The following PML variants were observed in gnomAD, a reference collection of about 807,000 sequenced individuals.
PML encodes the protein PML nuclear body scaffold.
PML carries 28 observed loss-of-function variants against 65.2 expected under a neutral mutation model. That is an observed-to-expected ratio of 0.43 (90% CI 0.32 to 0.59). PML has a LOEUF of 0.59. Among genes scored for constraint, PML ranks in the 20% least tolerant of loss-of-function variants. PML has a pLI of 0.08. For missense variants in PML, 1,021 were observed against 1,203.4 expected, an observed-to-expected ratio of 0.85 and a Z score of 2.24; for synonymous variants, 500 against 508.8, an observed-to-expected ratio of 0.98 and a Z score of 0.23.
At chr15:74,011,902 C>A (rs1025903607) in intron 2 of PML, among the ~76,000 whole-genome samples, 3 of 152,182 alleles carry the variant, frequency 2.0e-5, no homozygotes, top group African/African-American at 7.2e-5. Context: ...TTTCCTACTC[C>A]TGCTGGACTC....
intron 2 of PML, among the ~76,000 whole-genome samples, chr15:74,013,627 G>C (rs533871969): frequency 2.0e-5 from 3 of 151,902 alleles, no homozygotes; most frequent in African/African-American, 7.3e-5. Flanking sequence ...TGGCATGACT[G>C]AATAGAAGAG....
Position 74,035,959 on chromosome 15 carries a change from A to C in PML, c.1710+1429A>C, listed in dbSNP as rs2071541589. On this transcript the variant is annotated intron_variant, in intron 7 of 8. Transcript: ENST00000268058. This position sits in a 1 kb window ranked among gnomAD's most constrained non-coding sequence, Gnocchi z 4.1. The stretch of plus-strand genomic sequence containing the variant: ...CGTCAAGCAGGCCTCTGAGAGTGCT[A>C]CCCTTCTCTTGTAACCTTGCAGCCA... 6.2e-7 allele frequency: 1 copy of C among 1,613,752 alleles called. No homozygotes were observed. The highest frequency in any genetic ancestry group is 1.3e-5 in the African/African-American group (1 of 74,822).
rs117388211 is a variant in PML at position 74,042,856 on chromosome 15, G to A, written c.1711-133G>A. 1.4e-4 allele frequency: 227 copies of A among 1,569,362 alleles called. 4 individuals are homozygous for A. The East Asian group carries it at 4.7e-3, about 32-fold the overall frequency. On this transcript the variant is annotated intron_variant, in intron 7 of 8. Transcript: ENST00000268058. The surrounding 1 kb of genome is among the most constrained non-coding windows in gnomAD (Gnocchi z 5.3). ...CACACATACCTTCTCTTGTGCACAC[G>A]TCCCCTTTCCCAGTGGTACACCCTC...
At chr15:74,007,667 T>TCTGCCCTGGGGTGG (rs531158344) in intron 2 of PML, among the ~76,000 whole-genome samples, 4 of 152,110 alleles carry the variant, frequency 2.6e-5, no homozygotes, top group African/African-American at 4.8e-5. Flanking sequence ...ACTCGGGGTG[T>TCTGCCCTGGGGTGG]CTGCCCTGGG....
intron 7 of PML, chr15:74,036,115 A>G: frequency 6.2e-7 from 1 of 1,612,704 alleles, no homozygotes; most frequent in Non-Finnish European, 8.5e-7. Context: ...ACCTCTGGGC[A>G]GGGAGACCTG....
Position 74,044,757 on chromosome 15 carries a change from C to G in PML, c.2398C>G (p.Leu800Val). The G allele has an allele frequency of 6.2e-7, 1 of 1,612,746 alleles. No homozygotes were observed. Among genetic ancestry groups the G allele is most frequent in the Non-Finnish European group, 8.5e-7 (1 of 1,180,014 alleles). The change falls in exon 9 of 9, where the codon CTA (leucine) becomes GTA (valine). Residue 800 changes from leucine to valine, a missense_variant. Leu to Val is a conservative substitution (Grantham distance 32). Transcript: ENST00000268058. ...LPRAEARLLA[L>V]HNVSFMELLS... The stretch of plus-strand genomic sequence containing the variant: ...CCGGGCTGAGGCCCGCCTCCTGGCC[C>G]TACACAACGTGAGCTTCATGGAGCT...
chr15:73,995,344 A>C (rs2069430201), intron 1 of PML, among the ~76,000 whole-genome samples: 1 of 152,260 alleles, frequency 6.6e-6, no homozygotes, highest in Non-Finnish European at 1.5e-5. Context: ...GGCATGTCCC[A>C]GGCACGGCAA....
At chr15:74,032,441 G>A (rs1385599216) in intron 4 of PML, 131 bp from the exon 5 acceptor site, 1 of 938,228 alleles carries the variant, frequency 1.1e-6, no homozygotes, top group Non-Finnish European at 1.7e-6. Flanking sequence ...AGTGAGCTCG[G>A]AGCTTTGAGT....
At position 74,035,983 on chromosome 15, in the gene PML, C is replaced by T. The variant is rs1458580552; in HGVS notation, c.1710+1453C>T. The T allele has an allele frequency of 6.2e-7, 1 of 1,614,120 alleles. No homozygotes were observed. Among genetic ancestry groups the T allele is most frequent in the Non-Finnish European group, 8.5e-7 (1 of 1,180,036 alleles). On this transcript the variant is annotated intron_variant, in intron 7 of 8. Transcript: ENST00000268058. The surrounding 1 kb of genome is among the most constrained non-coding windows in gnomAD (Gnocchi z 4.1). The stretch of plus-strand genomic sequence containing the variant: ...TACCCTTCTCTTGTAACCTTGCAGC[C>T]AACACCCCTGCCCGGCCCCTGAGCT...
At chr15:74,036,410 ATTC>A in intron 7 of PML, 2 of 1,319,758 alleles carry the variant, frequency 1.5e-6, no homozygotes, top group African/African-American at 1.5e-5. Context: ...GCGAACCCTT[ATTC>A]CACGACCATC....
intron 1 of PML, among the ~76,000 whole-genome samples, chr15:73,996,835 TC>T (rs1306645309): frequency 6.6e-6 from 1 of 152,222 alleles, no homozygotes; most frequent in Non-Finnish European, 1.5e-5. Context: ...CTACCTTCTG[TC>T]CCTATGAACT....
chr15:74,023,481 TC>T, intron 3 of PML, 73 bp downstream of exon 3: 1 of 1,199,454 alleles, frequency 8.3e-7, no homozygotes, highest in East Asian at 2.5e-5. Context: ...TCAGAAGAGA[TC>T]ATCTCCATTT....
Position 74,043,853 on chromosome 15 carries a change from G to T in PML, c.1862-368G>T, listed in dbSNP as rs951131255. 3.8e-6 allele frequency: 2 copies of T among 522,266 alleles called. No homozygotes were observed. Among genetic ancestry groups the T allele is most frequent in the South Asian group, 1.5e-5 (1 of 64,918 alleles). The allele number at this position is 522,266 out of a possible 1,614,324, so 32.4% of individuals were successfully genotyped here. Reference sequence around the variant, plus strand: ...GTCCTTGAGGGGATTGGAGGAAGGAGCATGGGATGGAGAGCTAAGTTCAAG... The same window carrying T: ...GTCCTTGAGGGGATTGGAGGAAGGATCATGGGATGGAGAGCTAAGTTCAAG... On this transcript the variant is annotated intron_variant, in intron 8 of 8. Transcript: ENST00000268058. The surrounding 1 kb of genome is among the most constrained non-coding windows in gnomAD (Gnocchi z 4.3).
chr15:74,044,625 C>T lies in PML; in HGVS notation c.2266C>T (p.Leu756Phe). Residue 756 changes from leucine (L) to phenylalanine (F), a missense_variant, in exon 9 of 9, where the codon CTC becomes TTC. Transcript: ENST00000268058. ...AVLAMRDLCR[L>F]LEVSPGPQLA... is the part of the protein sequence containing the mutation. ...GCTGGCCATGCGTGACCTGTGCCGC[C>T]TCCTCGAGGTCTCCCCGGGCCCCCA... 1 of 1,606,484 alleles carries T rather than the reference C, an allele frequency of 6.2e-7. No homozygotes were observed. The highest frequency in any genetic ancestry group is 8.5e-7 in the Non-Finnish European group (1 of 1,179,902).
intron 2 of PML, among the ~76,000 whole-genome samples, chr15:74,000,116 C>T (rs2069693051): frequency 1.3e-5 from 2 of 152,082 alleles, no homozygotes; most frequent in African/African-American, 4.8e-5. Context: ...CAGGCATGAG[C>T]CACCATGCCC....
rs867649880 is a variant in PML at position 73,998,267 on chromosome 15, C to T, written c.393C>T (p.Arg131=). The T allele has an allele frequency of 6.2e-7, 1 of 1,614,236 alleles. No individual in the cohort carries two copies. Among genetic ancestry groups the T allele is most frequent in the Middle Eastern group, 1.6e-4 (1 of 6,062 alleles). Residue 131 remains arginine (R), a synonymous_variant, in exon 2 of 9, where the codon CGC becomes CGT. Coordinates refer to ENST00000268058, the MANE Select transcript of PML (RefSeq NM_033238.3). ...TGGATGCGCAGGCTGTGTGCACCCGCTGCAAAGAGTCGGCCGACTTCTGGT... is the reference window on the plus strand; with the variant it reads ...TGGATGCGCAGGCTGTGTGCACCCGTTGCAAAGAGTCGGCCGACTTCTGGT... ...QIVDAQAVCT[R]CKESADFWCF...
rs2070912573 is a variant in PML at position 74,023,054 on chromosome 15, G to T, written c.829G>T (p.Glu277Ter). 3 of 1,603,824 alleles carry T rather than the reference G, an allele frequency of 1.9e-6. No individual in the cohort carries two copies. The highest frequency in any genetic ancestry group is 1.7e-5 in the Admixed American group (1 of 59,862). ...QLGRARAETE[E>*]LIRERVRQVV... ...GGGCCGCGCGCGTGCCGAGACCGAG[G>T]AGCTGATCCGCGAGCGCGTGCGCCA... is the stretch of plus-strand genomic sequence containing the variant. The change falls in exon 3 of 9, where the codon GAG becomes TAG. Residue 277 changes from glutamate (E) to a stop codon, truncating the protein, a stop_gained. Coordinates refer to ENST00000268058, the MANE Select transcript of PML (RefSeq NM_033238.3). LOFTEE classifies it high-confidence loss of function.
intron 4 of PML, chr15:74,032,298 G>A (rs2071355972): frequency 2.0e-6 from 1 of 504,874 alleles, no homozygotes; most frequent in African/African-American, 1.9e-5. Context: ...CTGGGAGACT[G>A]AAACAGGAGA....
chr15:74,001,433 G>A (rs904431587), intron 2 of PML, among the ~76,000 whole-genome samples: 2 of 151,800 alleles, frequency 1.3e-5, no homozygotes, highest in Non-Finnish European at 2.9e-5. Context: ...TGTGCCTCCT[G>A]GGTTCAAGTG....
Sources: allele counts gnomAD v4.1 joint callset (sites outside exome capture counted in the v4.1 genomes callset), GRCh38; gene constraint gnomAD v4.1.1; non-coding constraint Gnocchi (gnomAD v3.1); transcripts MANE v1.5; gene names NCBI Gene and HGNC (gene_info 2026-07-23, HGNC 2026-07-21).